Variants in SPIN1 observed in about 807,000 individuals in gnomAD.
The protein encoded by SPIN1 is spindlin 1, also known as spindlin-1.
In SPIN1, 3 loss-of-function variants were observed where a neutral mutation model predicts 26.0. The ratio of observed to expected loss-of-function variants is 0.12; its 90% CI spans 0.05 to 0.30. The LOEUF is 0.30. Among genes scored for constraint, SPIN1 ranks in the 10% least tolerant of loss-of-function variants. The pLI is 1.00. For missense variants in SPIN1, 126 were observed against 333.4 expected (o/e 0.38, Z 4.84); for synonymous variants, 101 against 116.5 (o/e 0.87, Z 0.86).
chr9:88,467,790 A>G (rs558941485), intron 4 of SPIN1, among the ~76,000 whole-genome samples: 4 of 151,982 alleles, frequency 2.6e-5, no homozygotes, highest in African/African-American at 7.2e-5. Context: ...GTAAAAACCT[A>G]TGCCTTAATA....
intron 1 of SPIN1, among the ~76,000 whole-genome samples, chr9:88,402,511 T>C (rs1827211752): frequency 9.7e-6 from 1 of 102,620 alleles, no homozygotes; most frequent in Non-Finnish European, 2.0e-5. Flanking sequence ...TGAGGTCAAC[T>C]TTTTTTTTTT....
intron 1 of SPIN1, among the ~76,000 whole-genome samples, chr9:88,406,320 T>G (rs1333848110): frequency 6.6e-6 from 1 of 150,522 alleles, no homozygotes; most frequent in Non-Finnish European, 1.5e-5. Context: ...AGTTGGAGTC[T>G]CGCTCTGTCA....
At chr9:88,426,650 CAA>C (rs1344555754) in intron 2 of SPIN1, 59 bp downstream of exon 2, 3 of 1,478,450 alleles carry the variant, frequency 2.0e-6, no homozygotes, top group Middle Eastern at 2.2e-4. Flanking sequence ...TCATTTCAAA[CAA>C]GTGTAAAATT....
chr9:88,477,247 A>C lies in SPIN1; in HGVS notation c.*1970A>C, dbSNP rs1828906070. The C allele has an allele frequency of 1.3e-5, 2 of 152,214 alleles. No homozygotes were observed. 9.4% of individuals were successfully genotyped at this position (152,214 alleles called of 1,614,324 possible). Reference sequence around the variant, plus strand: ...AGAGTCCAGACTGACATTACAGCGCAAGAGTTTGCAAGTGTGTCCAGCATG... The same window carrying C: ...AGAGTCCAGACTGACATTACAGCGCCAGAGTTTGCAAGTGTGTCCAGCATG... On this transcript the variant is annotated 3_prime_UTR_variant, in exon 6 of 6. Coordinates refer to ENST00000375859, the MANE Select transcript of SPIN1 (RefSeq NM_006717.3).
intron 2 of SPIN1, among the ~76,000 whole-genome samples, chr9:88,445,303 C>T (rs1029812318): frequency 1.1e-4 from 16 of 151,994 alleles, no homozygotes; most frequent in Non-Finnish European, 2.4e-4. Flanking sequence ...TGCTTCCTGT[C>T]TGTGTCTTGT....
chr9:88,423,667 C>T (rs868453309), intron 1 of SPIN1, among the ~76,000 whole-genome samples: 61 of 151,762 alleles, frequency 4.0e-4, no homozygotes, highest in African/African-American at 1.4e-3. Flanking sequence ...CTGCCCACCT[C>T]GGTCCCCCAA....
At chr9:88,427,637 G>A (rs1026735220) in intron 2 of SPIN1, among the ~76,000 whole-genome samples, 3 of 146,620 alleles carry the variant, frequency 2.0e-5, no homozygotes, top group African/African-American at 5.1e-5. Flanking sequence ...ACGGAGTCTC[G>A]CTCTGTCACC....
chr9:88,445,992 T>A (rs944477066), intron 2 of SPIN1, among the ~76,000 whole-genome samples: 6 of 152,214 alleles, frequency 3.9e-5, no homozygotes, highest in South Asian at 4.1e-4. Flanking sequence ...TTTCTTTTTT[T>A]AATTTTTCTA....
intron 1 of SPIN1, among the ~76,000 whole-genome samples, chr9:88,392,367 T>C (rs1021874571): frequency 6.6e-6 from 1 of 152,178 alleles, no homozygotes; most frequent in African/African-American, 2.4e-5. Context: ...ACAGACTTTA[T>C]AGTCTGATAG....
chr9:88,422,715 T>C (rs1358083524), intron 1 of SPIN1, among the ~76,000 whole-genome samples: 1 of 96,068 alleles, frequency 1.0e-5, no homozygotes, highest in Non-Finnish European at 2.0e-5. Flanking sequence ...CTCTTTTTTC[T>C]TTTTTTTTTT....
At chr9:88,404,852 G>GT (rs1827261227) in intron 1 of SPIN1, among the ~76,000 whole-genome samples, 1 of 150,302 alleles carries the variant, frequency 6.7e-6, no homozygotes, top group Admixed American at 6.7e-5. Context: ...GGAGGCAGAG[G>GT]TTGCAGTGAG....
chr9:88,460,349 A>T (rs1200156784), intron 3 of SPIN1, among the ~76,000 whole-genome samples: 1 of 152,032 alleles, frequency 6.6e-6, no homozygotes, highest in Admixed American at 6.6e-5. Context: ...ATTTCAAATT[A>T]TTGATTCTTT....
chr9:88,468,303 A>G, intron 4 of SPIN1, 69 bp from the exon 5 acceptor site: 1 of 1,182,424 alleles, frequency 8.5e-7, no homozygotes, highest in Non-Finnish European at 1.2e-6. Context: ...TCTTTAGTAA[A>G]TTCAGTCTTC....
chr9:88,400,621 G>T (rs543561653), intron 1 of SPIN1, among the ~76,000 whole-genome samples: 1 of 152,252 alleles, frequency 6.6e-6, no homozygotes, highest in South Asian at 2.1e-4. Flanking sequence ...CAAGGCAGGA[G>T]GATCACCTGA....
intron 5 of SPIN1, among the ~76,000 whole-genome samples, chr9:88,470,368 T>G (rs915502129): frequency 6.6e-6 from 1 of 152,138 alleles, no homozygotes; most frequent in African/African-American, 2.4e-5. Flanking sequence ...TAACTCTATG[T>G]TTAATCGTTT....
Position 88,476,012 on chromosome 9 carries a change from T to A in SPIN1, c.*735T>A, listed in dbSNP as rs1171125032. 6.6e-6 allele frequency: 1 copy of A among 152,106 alleles called. No homozygotes were observed. Among genetic ancestry groups the A allele is most frequent in the Non-Finnish European group, 1.5e-5 (1 of 68,022 alleles). 9.4% of individuals were successfully genotyped at this position (152,106 alleles called of 1,614,324 possible). ...TTATTTGTGAACAGTTAATGACCCA[T>A]ATTAGAATTTTACAATCTGGTGAAC... On this transcript the variant is annotated 3_prime_UTR_variant, in exon 6 of 6. Transcript: ENST00000375859.
intron 2 of SPIN1, among the ~76,000 whole-genome samples, chr9:88,437,491 C>T (rs1316924719): frequency 6.7e-6 from 1 of 150,106 alleles, no homozygotes; most frequent in Non-Finnish European, 1.5e-5. Context: ...GAGTAAGACC[C>T]TGTCTCAAGA....
rs1426661816 is a variant in SPIN1, at chr9:88,475,868, A to G, written c.*591A>G. The G allele has an allele frequency of 6.6e-6, 1 of 152,058 alleles. No homozygotes were observed. The highest frequency in any genetic ancestry group is 1.5e-5 in the Non-Finnish European group (1 of 68,034). 9.4% of individuals were successfully genotyped at this position (152,058 alleles called of 1,614,324 possible). A position where few individuals can be genotyped will look rare whatever the true frequency, so the allele number is the denominator to read the frequency against. The stretch of plus-strand genomic sequence containing the variant: ...ATATGATATCACTGCTCTTTATTTA[A>G]AAGTAAACTTTGGGCACAGGAACCA... On this transcript the variant is annotated 3_prime_UTR_variant, in exon 6 of 6. Coordinates refer to ENST00000375859, the MANE Select transcript of SPIN1 (RefSeq NM_006717.3).
At chr9:88,472,030 G>GT (rs889692251) in intron 5 of SPIN1, among the ~76,000 whole-genome samples, 1 of 151,946 alleles carries the variant, frequency 6.6e-6, no homozygotes, top group African/African-American at 2.4e-5. Context: ...AACTCCTGGG[G>GT]TGAAGTGATC....
Sources: gnomAD v4.1 joint callset for allele counts (sites outside exome capture counted in the v4.1 genomes callset) on GRCh38, gnomAD v4.1.1 for gene constraint, MANE v1.5 for transcripts, NCBI Gene and HGNC (gene_info 2026-07-23, HGNC 2026-07-21) for gene names.